Variants in GRK6 observed in about 807,000 individuals in gnomAD.
GRK6 encodes the protein G protein-coupled receptor kinase 6.
Under a neutral mutation model 80.8 loss-of-function variants are expected in GRK6, and 37 were observed. The observed-to-expected ratio is 0.46, with a 90% CI of 0.35 to 0.60. GRK6 has a LOEUF of 0.60. GRK6 is among the 20% of genes least tolerant of loss of function. The pLI is 0.00. For synonymous variants in GRK6, 295 were observed against 320.9 expected (o/e 0.92, Z 0.86); for missense variants, 560 against 784.6 (o/e 0.71, Z 3.42).
intron 4 of GRK6, 45 bp downstream of exon 4, chr5:177,432,355 C>A: frequency 6.4e-7 from 1 of 1,569,184 alleles, no homozygotes; most frequent in South Asian, 1.1e-5. Context: ...ACCAGAGCCC[C>A]GTGTCAGGCA....
intron 2 of GRK6, 48 bp from the exon 3 acceptor site, chr5:177,431,947 C>T (rs1181498336): frequency 3.9e-6 from 6 of 1,537,118 alleles, no homozygotes; most frequent in South Asian, 1.1e-5. Context: ...ATGCCCCACC[C>T]ATGTGCTCTC....
chr5:177,437,298 T>A (rs1234814806), intron 13 of GRK6, among the ~76,000 whole-genome samples: 1 of 152,016 alleles, frequency 6.6e-6, no homozygotes, highest in Non-Finnish European at 1.5e-5. Context: ...GGAAAAGAAG[T>A]CCCAAAGCTG....
Position 177,428,693 on chromosome 5 carries a change from T to C in GRK6, c.52+1796T>C. Among the ~76,000 whole-genome samples the C allele has an allele frequency of 6.6e-6, 1 of 152,198 alleles. No individual in the cohort carries two copies. Among genetic ancestry groups the C allele is most frequent in the East Asian group, 1.9e-4 (1 of 5,194 alleles). ...CTGGCCTCCCTAATTGCTGGGATTA[T>C]AGGCATGAGCCACCGCGCCTGGCCG... is the stretch of plus-strand genomic sequence containing the variant. On this transcript the variant is annotated intron_variant, in intron 1 of 15. Transcript: ENST00000355472. This position sits in a 1 kb window ranked among gnomAD's most constrained non-coding sequence, Gnocchi z 4.1.
At chr5:177,437,220 G>C (rs1764201776) in intron 13 of GRK6, among the ~76,000 whole-genome samples, 1 of 152,166 alleles carries the variant, frequency 6.6e-6, no homozygotes, top group African/African-American at 2.4e-5. Context: ...CTCCCAAAGT[G>C]CTGGGATTAC....
At chr5:177,431,646 C>T in intron 2 of GRK6, 2 of 297,020 alleles carry the variant, frequency 6.7e-6, no homozygotes, top group Non-Finnish European at 1.3e-5. Context: ...GGGCCTGGCC[C>T]CGGCTGGGCT....
At position 177,426,947 on chromosome 5, in the gene GRK6, C is replaced by T; in HGVS notation, c.52+50C>T. On this transcript the variant is annotated intron_variant, in intron 1 of 15. Transcript: ENST00000355472. ...GGCCCGGGTGCGTGGAGCGCGAGTG[C>T]GCTGCGTCTGAGCTCCGCAGGGCTA... 4 of 1,236,824 alleles carry T rather than the reference C, an allele frequency of 3.2e-6. No homozygotes were observed. In the South Asian group the frequency reaches 6.8e-5, roughly 21 times the overall value. 76.6% of individuals were successfully genotyped at this position (1,236,824 alleles called of 1,614,324 possible). A position where few individuals can be genotyped will look rare whatever the true frequency, so the allele number is the denominator to read the frequency against.
At chr5:177,440,568 T>C (rs956793339) in intron 13 of GRK6, 132 bp from the exon 14 acceptor site, 1 of 1,092,868 alleles carries the variant, frequency 9.2e-7, no homozygotes, top group Admixed American at 2.4e-5. Flanking sequence ...GTGGGGCACC[T>C]GGTTTCTCCA....
chr5:177,440,026 C>T (rs1764386409), intron 13 of GRK6: 1 of 152,296 alleles, frequency 6.6e-6, no homozygotes, highest in African/African-American at 2.4e-5. Flanking sequence ...TTCTCTTGGT[C>T]TATACCTAGG....
chr5:177,440,625 G>A, intron 13 of GRK6, 75 bp from the exon 14 acceptor site: 1 of 1,569,152 alleles, frequency 6.4e-7, no homozygotes, highest in South Asian at 1.2e-5. Flanking sequence ...AAGACCCGAG[G>A]CAGAATCAGG....
In GRK6 at chr5:177,435,128, C is replaced by T. The variant is rs745518327; in HGVS notation, c.1057+7C>T. 3 of 1,590,752 alleles carry T rather than the reference C, an allele frequency of 1.9e-6. No individual in the cohort carries two copies. The highest frequency in any genetic ancestry group is 1.7e-6 in the Non-Finnish European group (2 of 1,164,762). On this transcript the variant is annotated splice_region_variant and intron_variant, in intron 11 of 15. Coordinates refer to ENST00000355472, the MANE Select transcript of GRK6 (RefSeq NM_001004106.3). ...GGCACCGTGGGTTACATGGGTGAGT[C>T]TTCTCTGCCCGGCCCACTAGCCTCC...
In GRK6 at chr5:177,432,117, G is replaced by A. The variant is rs374000858; in HGVS notation, c.261+10G>A. 38 of 1,606,726 alleles carry A rather than the reference G, an allele frequency of 2.4e-5. No individual in the cohort carries two copies. The highest frequency in any genetic ancestry group is 3.1e-5 in the Non-Finnish European group (37 of 1,175,394). On this transcript the variant is annotated intron_variant, in intron 3 of 15. Transcript: ENST00000355472. ...CTTCCTGGATGGGGTGGTGAGTGCA[G>A]CCCAGCCCTGCCCAGCCCCGCGGGT...
Position 177,441,789 on chromosome 5 carries a change from A to T in GRK6, c.1730A>T (p.Ter577LeuextTer25). ...DSEEELPTRL[*>L] ...GAGGAAGAGCTCCCCACCCGCCTCT[A>T]GCCCCCAGCCCGAGGCCCCCACCAG... is the stretch of plus-strand genomic sequence containing the variant. The change falls in exon 16 of 16, where the codon TAG (stop) becomes TTG (leucine). Residue 577 changes from the stop codon to leucine (L), a stop_lost. Transcript: ENST00000355472. 2 of 1,612,218 alleles carry T rather than the reference A, an allele frequency of 1.2e-6. No homozygotes were observed. The highest frequency in any genetic ancestry group is 1.7e-4 in the Middle Eastern group (1 of 6,056).
At position 177,426,821 on chromosome 5, in the gene GRK6, G is replaced by C; in HGVS notation, c.-25G>C. 1 of 1,186,444 alleles carries C rather than the reference G, an allele frequency of 8.4e-7. No individual in the cohort carries two copies. Among genetic ancestry groups the C allele is most frequent in the Non-Finnish European group, 1.0e-6 (1 of 957,552 alleles). 73.5% of individuals were successfully genotyped at this position (1,186,444 alleles called of 1,614,324 possible). A position where few individuals can be genotyped will look rare whatever the true frequency, so the allele number is the denominator to read the frequency against. Reference sequence around the variant, plus strand: ...GCGATCCCGGCCGGCGGCGCGGCCCGGCGGGCCAGGCGGCGCCACAGCCCA... The same window carrying C: ...GCGATCCCGGCCGGCGGCGCGGCCCCGCGGGCCAGGCGGCGCCACAGCCCA... On this transcript the variant is annotated 5_prime_UTR_variant, in exon 1 of 16. Transcript: ENST00000355472.
Position 177,436,284 on chromosome 5 carries a change from A to G in GRK6, c.1266+3A>G, listed in dbSNP as rs747117943. 15 of 1,613,814 alleles carry G rather than the reference A, an allele frequency of 9.3e-6. No homozygotes were observed. The highest frequency in any genetic ancestry group is 1.6e-4 in the Middle Eastern group (1 of 6,068). On this transcript the variant is annotated splice_donor_region_variant and intron_variant, in intron 12 of 15. Transcript: ENST00000355472. ...AGGCCCGCTCACTTTGCTCACAGGT[A>G]CGGCAGCTCACAGAAGCCTGGCCAG...
chr5:177,434,558 T>C (rs1764054784), intron 9 of GRK6, among the ~76,000 whole-genome samples: 1 of 152,132 alleles, frequency 6.6e-6, no homozygotes, highest in Admixed American at 6.5e-5. Context: ...CACAACAGCC[T>C]AGTCAGGGGA....
chr5:177,428,400 C>G lies in GRK6; in HGVS notation c.52+1503C>G, dbSNP rs960896084. Among the ~76,000 whole-genome samples, 2 of 152,202 alleles carry G rather than the reference C, an allele frequency of 1.3e-5. No homozygotes were observed. The highest frequency in any genetic ancestry group is 4.8e-5 in the African/African-American group (2 of 41,460). ...GGGACTGGTACCTCCACTAGAGAACCCTTACGACAACCTGGCTCTGCCCCT... is the reference window on the plus strand; with the variant it reads ...GGGACTGGTACCTCCACTAGAGAACGCTTACGACAACCTGGCTCTGCCCCT... On this transcript the variant is annotated intron_variant, in intron 1 of 15. Coordinates refer to ENST00000355472, the MANE Select transcript of GRK6 (RefSeq NM_001004106.3). This position sits in a 1 kb window ranked among gnomAD's most constrained non-coding sequence, Gnocchi z 4.1.
intron 6 of GRK6, 30 bp downstream of exon 6, chr5:177,433,269 G>A (rs1163554081): frequency 1.2e-6 from 2 of 1,613,556 alleles, no homozygotes; most frequent in Non-Finnish European, 1.7e-6. Context: ...GGCCGGGACA[G>A]GCCAGGTCGC....
At chr5:177,433,015 G>C (rs1763979653) in intron 5 of GRK6, 132 bp from the exon 6 acceptor site, 3 of 833,540 alleles carry the variant, frequency 3.6e-6, no homozygotes, top group Non-Finnish European at 5.9e-6. Flanking sequence ...CCGCTCAGGG[G>C]TTAGCAGGAG....
At position 177,436,065 on chromosome 5, in the gene GRK6, C is replaced by T; in HGVS notation, c.1058-8C>T. The T allele has an allele frequency of 3.1e-6, 5 of 1,610,854 alleles. No individual in the cohort carries two copies. Among genetic ancestry groups the T allele is most frequent in the Non-Finnish European group, 4.2e-6 (5 of 1,177,600 alleles). On this transcript the variant is annotated splice_region_variant and splice_polypyrimidine_tract_variant and intron_variant, in intron 11 of 15. Transcript: ENST00000355472. ...TGCCCAGCCCTAACTCCCATGCCGC[C>T]CGCCCAGCTCCGGAGGTGGTGAAGA...
Sources: gnomAD v4.1 joint callset for allele counts (sites outside exome capture counted in the v4.1 genomes callset) on GRCh38, gnomAD v4.1.1 for gene constraint, Gnocchi (gnomAD v3.1) non-coding constraint, MANE v1.5 for transcripts, NCBI Gene and HGNC (gene_info 2026-07-23, HGNC 2026-07-21) for gene names.